Variants in KCTD20 observed in about 807,000 individuals in gnomAD.
KCTD20 encodes the protein potassium channel tetramerization domain containing 20, also known as BTB/POZ domain-containing protein KCTD20.
Under a neutral mutation model 39.6 loss-of-function variants are expected in KCTD20, and 30 were observed. That is an observed-to-expected ratio of 0.76 (90% CI 0.57 to 1.03). The LOEUF is 1.03. Among genes scored for constraint, KCTD20 ranks in the 50% least tolerant of loss-of-function variants. KCTD20 has a pLI of 0.00. For synonymous variants in KCTD20, 162 were observed against 180.6 expected, an observed-to-expected ratio of 0.90 and a Z score of 0.83; for missense variants, 422 against 522.0, an observed-to-expected ratio of 0.81 and a Z score of 1.87.
At chr6:36,454,101 T>C (rs1320189592) in intron 1 of KCTD20, among the ~76,000 whole-genome samples, 1 of 152,240 alleles carries the variant, frequency 6.6e-6, no homozygotes, top group African/African-American at 2.4e-5. Context: ...TGTGGTCAGT[T>C]CTGATTAATT....
rs199683192 is a variant in KCTD20 at position 36,453,523 on chromosome 6, T to TG, written c.-47+10412_-47+10413insG. On this transcript the variant is annotated intron_variant, in intron 1 of 7. Transcript: ENST00000373731. ...TTCTAATGTTTTGTTTTTTGTTTTT[T>TG]TTTTTTTTGAGACGGAGTTTTGCTC... Among the ~76,000 whole-genome samples, 999 of 151,708 alleles carry TG rather than the reference T, an allele frequency of 6.6e-3. 10 individuals carry two copies. Among genetic ancestry groups the TG allele is most frequent in the African/African-American group, 0.021 (878 of 41,460 alleles).
rs1776538245 is a variant in KCTD20, at chr6:36,490,039, A to G, written c.*2864A>G. On this transcript the variant is annotated 3_prime_UTR_variant, in exon 8 of 8. Coordinates refer to ENST00000373731, the MANE Select transcript of KCTD20 (RefSeq NM_173562.5). ...AGTACCCAGTACTACTTTAAATCCC[A>G]AGAGAACAGTGTGATGTCTAATATA... 6.6e-6 allele frequency: 1 copy of G among 152,230 alleles called. No homozygotes were observed. Among genetic ancestry groups the G allele is most frequent in the Non-Finnish European group, 1.5e-5 (1 of 68,038 alleles). 9.4% of individuals were successfully genotyped at this position (152,230 alleles called of 1,614,324 possible). A position where few individuals can be genotyped will look rare whatever the true frequency, so the allele number is the denominator to read the frequency against.
At position 36,469,427 on chromosome 6, in the gene KCTD20, C is replaced by T. The variant is rs78422813; in HGVS notation, c.-46-625C>T. Among the ~76,000 whole-genome samples, 8,087 of 152,014 alleles carry T rather than the reference C, an allele frequency of 0.053. 303 individuals are homozygous for T. Among genetic ancestry groups the T allele is most frequent in the South Asian group, 0.14 (658 of 4,808 alleles). On this transcript the variant is annotated intron_variant, in intron 1 of 7. Transcript: ENST00000373731. The surrounding 1 kb of genome is among the most constrained non-coding windows in gnomAD (Gnocchi z 4.6). ...GTTCATGGGGACTCTGCACTGCTTT[C>T]GAGAGAGATGAATGACATGATTAGC...
Position 36,475,038 on chromosome 6 carries a change from C to T in KCTD20, c.410C>T (p.Ala137Val). 1 of 1,614,054 alleles carries T rather than the reference C, an allele frequency of 6.2e-7. No homozygotes were observed. Among genetic ancestry groups the T allele is most frequent in the South Asian group, 1.1e-5 (1 of 91,084 alleles). ...GTTGTGAATCCACAGATTTTCACTG[C>T]TCATCCGGATACCATGCTGGGAAGG... ...RFVVNPQIFT[A>V]HPDTMLGRMF... The change falls in exon 3 of 8, where the codon GCT becomes GTT. Residue 137 changes from alanine to valine, a missense_variant. Ala to Val is a moderately conservative substitution (Grantham distance 64). Coordinates refer to ENST00000373731, the MANE Select transcript of KCTD20 (RefSeq NM_173562.5).
chr6:36,444,900 C>T (rs1197286401), intron 1 of KCTD20, among the ~76,000 whole-genome samples: 1 of 152,178 alleles, frequency 6.6e-6, no homozygotes, highest in African/African-American at 2.4e-5. Flanking sequence ...CCAATAATCT[C>T]GTTTTCCTTA....
intron 1 of KCTD20, among the ~76,000 whole-genome samples, chr6:36,449,321 CTGAT>C (rs1775161722): frequency 6.6e-6 from 1 of 152,088 alleles, no homozygotes; most frequent in South Asian, 2.1e-4. Flanking sequence ...ACACAGAGCA[CTGAT>C]TGGTGCGTTT....
intron 2 of KCTD20, among the ~76,000 whole-genome samples, chr6:36,470,539 G>T (rs557360696): frequency 1.3e-5 from 2 of 152,272 alleles, no homozygotes; most frequent in East Asian, 3.9e-4. Flanking sequence ...CTGCTTATTA[G>T]TTGTAACCAT....
At chr6:36,478,099 A>AAAAAAAAAAT (rs1380525274) in intron 3 of KCTD20, among the ~76,000 whole-genome samples, 2 of 147,658 alleles carry the variant, frequency 1.4e-5, no homozygotes, top group Admixed American at 6.9e-5. Flanking sequence ...CATCTCAAAA[A>AAAAAAAAAAT]AAAAAAGAAA....
chr6:36,479,398 G>A (rs1561957291), intron 4 of KCTD20, among the ~76,000 whole-genome samples, 175 bp downstream of exon 4: 1 of 152,026 alleles, frequency 6.6e-6, no homozygotes, highest in South Asian at 2.1e-4. Context: ...TTGTATGTGA[G>A]CTCTATCAGT....
At chr6:36,447,338 T>A (rs1467942043) in intron 1 of KCTD20, among the ~76,000 whole-genome samples, 1 of 152,140 alleles carries the variant, frequency 6.6e-6, no homozygotes, top group East Asian at 1.9e-4. Flanking sequence ...TTTTCAAAAA[T>A]ATTTTTAGGC....
At position 36,490,933 on chromosome 6, in the gene KCTD20, TATG is replaced by T. The variant is rs997291217; in HGVS notation, c.*3762_*3764del. The T allele has an allele frequency of 5.9e-5, 9 of 152,224 alleles. No homozygotes were observed. The highest frequency in any genetic ancestry group is 5.2e-4 in the Admixed American group (8 of 15,292). The allele number at this position is 152,224 out of a possible 1,614,324, so 9.4% of individuals were successfully genotyped here. ...GGGAATACTGAGCTCAGAAAGCAAA[TATG>T]ATGCTTTCATGGGAGATGGAGCCAC... On this transcript the variant is annotated 3_prime_UTR_variant, in exon 8 of 8. Transcript: ENST00000373731.
Position 36,487,952 on chromosome 6 carries a change from G to T in KCTD20, c.*777G>T, listed in dbSNP as rs1174146988. The T allele has an allele frequency of 1.3e-5, 2 of 152,182 alleles. No individual in the cohort carries two copies. The highest frequency in any genetic ancestry group is 4.8e-5 in the African/African-American group (2 of 41,438). The allele number at this position is 152,182 out of a possible 1,614,324, so 9.4% of individuals were successfully genotyped here. On this transcript the variant is annotated 3_prime_UTR_variant, in exon 8 of 8. Coordinates refer to ENST00000373731, the MANE Select transcript of KCTD20 (RefSeq NM_173562.5). ...CAAATCAGGCCAGTTGGGTTATCCT[G>T]GCTTGGAATCTGGTGTGAAACCATA...
chr6:36,448,015 G>GTGTGTATATATATATATATATATATATA (rs559687288), intron 1 of KCTD20, among the ~76,000 whole-genome samples: 10 of 128,936 alleles, frequency 7.8e-5, no homozygotes, highest in African/African-American at 2.8e-4. Context: ...ATGTGTGTGT[G>GTGTGTATATATATATATATATATATATA]TATATATATA....
In KCTD20 at chr6:36,489,011, A is replaced by C. The variant is rs1008487011; in HGVS notation, c.*1836A>C. On this transcript the variant is annotated 3_prime_UTR_variant, in exon 8 of 8. Coordinates refer to ENST00000373731, the MANE Select transcript of KCTD20 (RefSeq NM_173562.5). ...AAGGTAATTTTATTTCTGTGAAACT[A>C]ATTGGCTCATATTTGAGGTTAGGTG... 1 of 152,626 alleles carries C rather than the reference A, an allele frequency of 6.6e-6. No individual in the cohort carries two copies. Among genetic ancestry groups the C allele is most frequent in the Non-Finnish European group, 1.5e-5 (1 of 68,032 alleles). The allele number at this position is 152,626 out of a possible 1,614,324, so 9.5% of individuals were successfully genotyped here.
In KCTD20 at chr6:36,484,825, G is replaced by GT. The variant is rs763577829; in HGVS notation, c.967+2dup. 3 of 1,423,246 alleles carry GT rather than the reference G, an allele frequency of 2.1e-6. No individual in the cohort carries two copies. Among genetic ancestry groups the GT allele is most frequent in the African/African-American group, 1.7e-5 (1 of 57,494 alleles). 88.2% of individuals were successfully genotyped at this position (1,423,246 alleles called of 1,614,324 possible). A position where few individuals can be genotyped will look rare whatever the true frequency, so the allele number is the denominator to read the frequency against. On this transcript the variant is annotated splice_donor_variant, in intron 7 of 7. Coordinates refer to ENST00000373731, the MANE Select transcript of KCTD20 (RefSeq NM_173562.5). LOFTEE classifies it high-confidence loss of function. ...AAAAACATTCGCATTGGAATTGAAG[G>GT]TAAAAAAAAAAAAAAAATCCCAGTC...
At chr6:36,481,202 C>CT (rs768056155) in intron 5 of KCTD20, among the ~76,000 whole-genome samples, 3 of 152,214 alleles carry the variant, frequency 2.0e-5, no homozygotes, top group Non-Finnish European at 4.4e-5. Flanking sequence ...TTATGGTACT[C>CT]TAACTCCATG....
At chr6:36,458,143 T>C (rs1370817067) in intron 1 of KCTD20, among the ~76,000 whole-genome samples, 3 of 152,100 alleles carry the variant, frequency 2.0e-5, no homozygotes, top group African/African-American at 7.2e-5. Flanking sequence ...GTCTCAACCT[T>C]CTGGACTCAA....
In KCTD20 at chr6:36,454,043, A is replaced by C. The variant is rs547730603; in HGVS notation, c.-47+10932A>C. ...TCCACTGTGTTCAGAGAACATAACT[A>C]TTCTTTCAATCTTTTGAAATGTATT... On this transcript the variant is annotated intron_variant, in intron 1 of 7. Coordinates refer to ENST00000373731, the MANE Select transcript of KCTD20 (RefSeq NM_173562.5). 9.2e-5 allele frequency among the ~76,000 whole-genome samples: 14 copies of C among 152,308 alleles called. No homozygotes were observed. In the South Asian group the frequency reaches 2.9e-3, roughly 32 times the overall value.
intron 1 of KCTD20, among the ~76,000 whole-genome samples, chr6:36,460,052 T>C (rs1775554942): frequency 6.6e-6 from 1 of 152,192 alleles, no homozygotes; most frequent in Non-Finnish European, 1.5e-5. Flanking sequence ...TTTTAGGTAA[T>C]AGCCAAGTAG....
Sources: allele counts gnomAD v4.1 joint callset (sites outside exome capture counted in the v4.1 genomes callset), GRCh38; gene constraint gnomAD v4.1.1; non-coding constraint Gnocchi (gnomAD v3.1); transcripts MANE v1.5; gene names NCBI Gene and HGNC (gene_info 2026-07-23, HGNC 2026-07-21).